The following NPAT variants were observed in gnomAD, a reference collection of about 807,000 sequenced individuals.
NPAT encodes nuclear protein, coactivator of histone transcription, also known as protein NPAT.
NPAT carries 52 observed loss-of-function variants against 130.7 expected under a neutral mutation model. The observed-to-expected ratio is 0.40, with a 90% CI of 0.32 to 0.50. The LOEUF is 0.50. Among genes scored for constraint, NPAT ranks in the 20% least tolerant of loss-of-function variants. NPAT has a pLI of 0.68. For missense variants in NPAT, 1,687 were observed against 1,662.6 expected, an observed-to-expected ratio of 1.01 and a Z score of -0.26; for synonymous variants, 580 against 584.8, an observed-to-expected ratio of 0.99 and a Z score of 0.12.
chr11:108,168,157 T>C (rs975672603), intron 15 of NPAT, among the ~76,000 whole-genome samples: 1 of 151,616 alleles, frequency 6.6e-6, no homozygotes. Context: ...ATAGAGAAGA[T>C]ATACTTCTTC....
intron 4 of NPAT, among the ~76,000 whole-genome samples, chr11:108,191,190 G>A (rs1456031321): frequency 6.6e-6 from 1 of 152,026 alleles, no homozygotes; most frequent in African/African-American, 2.4e-5. Context: ...CCTTCCCACA[G>A]AGAAATTCTG....
At chr11:108,169,703 T>G in intron 15 of NPAT, 41 bp downstream of exon 15, 1 of 1,368,932 alleles carries the variant, frequency 7.3e-7, no homozygotes. Context: ...CAAATGAACA[T>G]ACAAACATAA....
In NPAT at chr11:108,173,481, C is replaced by T. The variant is rs781348848; in HGVS notation, c.1503G>A (p.Gln501=). 6.2e-7 allele frequency: 1 copy of T among 1,614,174 alleles called. No homozygotes were observed. The highest frequency in any genetic ancestry group is 1.7e-5 in the Admixed American group (1 of 60,018). The stretch of plus-strand genomic sequence containing the variant: ...TTATTGGTATATCAGGCTGATCAGG[C>T]TGTAACTGAGATTCACTCGGTACAT... ...SSNVPSESQL[Q]PDQPDIPITS... The change falls in exon 13 of 18, where the codon CAG becomes CAA. Residue 501 remains glutamine, a synonymous_variant. Transcript: ENST00000278612.
chr11:108,163,861 T>G (rs910429819), intron 15 of NPAT, among the ~76,000 whole-genome samples: 10 of 151,950 alleles, frequency 6.6e-5, no homozygotes, highest in Admixed American at 6.6e-4. Context: ...AGACAGTAAT[T>G]TGAATGAAGA....
intron 8 of NPAT, among the ~76,000 whole-genome samples, 185 bp from the exon 9 acceptor site, chr11:108,185,679 T>C (rs1204674918): frequency 6.6e-6 from 1 of 152,220 alleles, no homozygotes; most frequent in Non-Finnish European, 1.5e-5. Flanking sequence ...TGCAAATGTT[T>C]TCACAGATCT....
chr11:108,177,199 A>G, intron 10 of NPAT, 109 bp from the exon 11 acceptor site: 1 of 476,870 alleles, frequency 2.1e-6, no homozygotes, highest in Non-Finnish European at 3.6e-6. Context: ...GCTGGAGTGT[A>G]GTGGTACAGT....
intron 15 of NPAT, among the ~76,000 whole-genome samples, chr11:108,168,251 A>G (rs1349647782): frequency 6.6e-6 from 1 of 152,234 alleles, no homozygotes; most frequent in Non-Finnish European, 1.5e-5. Flanking sequence ...AGGCATTTAC[A>G]AAGATGTTCC....
intron 4 of NPAT, among the ~76,000 whole-genome samples, chr11:108,190,835 G>C (rs1435501254): frequency 6.6e-6 from 1 of 152,182 alleles, no homozygotes; most frequent in Admixed American, 6.5e-5. Context: ...CACCCTGGGG[G>C]GCTGAGGTGA....
chr11:108,194,806 C>T (rs913053954), intron 2 of NPAT, among the ~76,000 whole-genome samples: 7 of 151,858 alleles, frequency 4.6e-5, no homozygotes, highest in South Asian at 4.2e-4. Context: ...TGAGCCATCA[C>T]GCCTGGCCTG....
At chr11:108,191,089 A>G (rs1035758755) in intron 4 of NPAT, among the ~76,000 whole-genome samples, 11 of 152,162 alleles carry the variant, frequency 7.2e-5, no homozygotes, top group Admixed American at 3.3e-4. Flanking sequence ...AACAGAAGAT[A>G]ATTTAACTTT....
chr11:108,162,370 A>G (rs896860857), intron 15 of NPAT, among the ~76,000 whole-genome samples, 190 bp from the exon 16 acceptor site: 2 of 152,158 alleles, frequency 1.3e-5, no homozygotes, highest in Non-Finnish European at 1.5e-5. Flanking sequence ...CTATTTCCCC[A>G]CTGCTACAGA....
intron 1 of NPAT, among the ~76,000 whole-genome samples, chr11:108,210,601 T>G (rs889652797): frequency 6.6e-6 from 1 of 152,174 alleles, no homozygotes; most frequent in Non-Finnish European, 1.5e-5. Flanking sequence ...TTACCCACTC[T>G]CAGGTGTTTC....
At position 108,161,340 on chromosome 11, in the gene NPAT, T is replaced by A; in HGVS notation, c.3746A>T (p.Asp1249Val). ...SSLITTEMLQ[D>V]IQRHSSVSRL... ...ACTTACTGAGCTGTGCCTCTGTATATCCTGTAACATTTCTGTGGTAATCAA... is the reference window on the plus strand; with the variant it reads ...ACTTACTGAGCTGTGCCTCTGTATAACCTGTAACATTTCTGTGGTAATCAA... The change falls in exon 17 of 18, where the codon GAT becomes GTT. Residue 1249 changes from aspartate (D) to valine (V), a missense_variant. Asp to Val is a radical substitution (Grantham distance 152, BLOSUM62 -3). This residue lies in a region of NPAT where 1,379 missense variants were observed against 1,346.6 expected (regional missense o/e 1.02). Transcript: ENST00000278612. 6.2e-7 allele frequency: 1 copy of A among 1,614,200 alleles called. No individual in the cohort carries two copies. The highest frequency in any genetic ancestry group is 8.5e-7 in the Non-Finnish European group (1 of 1,180,036).
intron 8 of NPAT, 69 bp downstream of exon 8, chr11:108,186,413 T>C (rs2078108382): frequency 8.9e-7 from 1 of 1,124,110 alleles, no homozygotes; most frequent in East Asian, 2.4e-5. Flanking sequence ...CATACATACA[T>C]TTGTGTATAT....
intron 17 of NPAT, among the ~76,000 whole-genome samples, chr11:108,160,482 GTT>G (rs1355057179): frequency 6.6e-6 from 1 of 152,090 alleles, no homozygotes; most frequent in Non-Finnish European, 1.5e-5. Context: ...ACACAATAGT[GTT>G]TAATATTGTT....
At chr11:108,176,143 C>T in intron 12 of NPAT, 103 bp downstream of exon 12, 4 of 873,840 alleles carry the variant, frequency 4.6e-6, no homozygotes, top group Non-Finnish European at 7.4e-6. Flanking sequence ...TGACCTATAA[C>T]AATCTGAACA....
chr11:108,165,476 T>C (rs1337890395), intron 15 of NPAT, among the ~76,000 whole-genome samples: 55 of 145,352 alleles, frequency 3.8e-4, no homozygotes, highest in African/African-American at 1.3e-3. Context: ...ATATATATTT[T>C]TTTTTTGTGA....
At chr11:108,165,452 T>TTATA (rs10678040) in intron 15 of NPAT, among the ~76,000 whole-genome samples, 1,701 of 133,848 alleles carry the variant, frequency 0.013, 13 homozygotes, top group Non-Finnish European at 0.017. Flanking sequence ...ACATATGTAT[T>TTATA]TATATATATA....
At chr11:108,169,585 G>A (rs2077930865) in intron 15 of NPAT, among the ~76,000 whole-genome samples, 159 bp downstream of exon 15, 1 of 152,190 alleles carries the variant, frequency 6.6e-6, no homozygotes, top group African/African-American at 2.4e-5. Flanking sequence ...AAGCTGTTCA[G>A]TAACAGTTGG....
Sources: gnomAD v4.1 joint callset for allele counts (sites outside exome capture counted in the v4.1 genomes callset) on GRCh38, gnomAD v4.1.1 for gene constraint, gnomAD v4.1.1 regional missense constraint, MANE v1.5 for transcripts, NCBI Gene and HGNC (gene_info 2026-07-23, HGNC 2026-07-21) for gene names.